Variants in SLC2A13 observed in about 807,000 individuals in gnomAD.
The protein encoded by SLC2A13 is solute carrier family 2 member 13, also known as proton myo-inositol cotransporter.
SLC2A13 carries 32 observed loss-of-function variants against 64.4 expected under a neutral mutation model. The ratio of observed to expected loss-of-function variants is 0.50; its 90% CI spans 0.37 to 0.67. The LOEUF (loss-of-function observed/expected upper bound fraction) is 0.67, where lower values mean the gene tolerates loss of function less well. SLC2A13 is among the 30% of genes least tolerant of loss of function. The pLI is 0.00. For missense variants in SLC2A13, 743 were observed against 829.2 expected (o/e 0.90, Z 1.28); for synonymous variants, 338 against 327.1 (o/e 1.03, Z -0.36).
At chr12:39,971,994 A>ATATATATATATAT in intron 3 of SLC2A13, among the ~76,000 whole-genome samples, 1 of 39,024 alleles carries the variant, frequency 2.6e-5, no homozygotes, top group Admixed American at 4.0e-4. Context: ...AAAAAAAAAA[A>ATATATATATATAT]AAAATATATA....
chr12:39,982,558 G>C lies in SLC2A13; in HGVS notation c.926-31193C>G, dbSNP rs1946928142. Among the ~76,000 whole-genome samples, 3 of 150,662 alleles carry C rather than the reference G, an allele frequency of 2.0e-5. No homozygotes were observed. In the South Asian group the frequency reaches 6.3e-4, roughly 32 times the overall value. The stretch of plus-strand genomic sequence containing the variant: ...ACAGACAAACAGAGAGCCAAATCAT[G>C]AGTGAACTCCCATTCACAACTGCTT... On this transcript the variant is annotated intron_variant, in intron 3 of 9. Transcript: ENST00000280871.
At chr12:39,861,257 T>C (rs1943751975) in intron 6 of SLC2A13, among the ~76,000 whole-genome samples, 1 of 152,232 alleles carries the variant, frequency 6.6e-6, no homozygotes. Flanking sequence ...GACTGTAATG[T>C]TTATTGAGTG....
intron 4 of SLC2A13, chr12:39,949,671 A>C (rs1946195827): frequency 6.6e-6 from 1 of 152,258 alleles, no homozygotes; most frequent in African/African-American, 2.4e-5. Context: ...AAAAAAGTAC[A>C]AGAAAAATCC....
At chr12:40,080,690 C>G (rs934000327) in intron 1 of SLC2A13, among the ~76,000 whole-genome samples, 1 of 152,194 alleles carries the variant, frequency 6.6e-6, no homozygotes, top group Non-Finnish European at 1.5e-5. Flanking sequence ...CAACACCTGG[C>G]CTTGTTTAAA....
chr12:39,985,272 C>T (rs994701225), intron 3 of SLC2A13, among the ~76,000 whole-genome samples: 1 of 152,070 alleles, frequency 6.6e-6, no homozygotes, highest in African/African-American at 2.4e-5. Flanking sequence ...TGTTAGAATT[C>T]TTTTAGCTTC....
intron 1 of SLC2A13, among the ~76,000 whole-genome samples, chr12:40,089,049 A>G (rs1938678919): frequency 6.6e-6 from 1 of 152,192 alleles, no homozygotes; most frequent in Non-Finnish European, 1.5e-5. Flanking sequence ...TTGCAAGTCA[A>G]TCACCTCAAG....
chr12:40,006,742 A>T (rs144222769), intron 3 of SLC2A13, among the ~76,000 whole-genome samples: 1 of 152,328 alleles, frequency 6.6e-6, no homozygotes, highest in African/African-American at 2.4e-5. Flanking sequence ...CAATGGAAGC[A>T]ATCCCACCTG....
Position 40,105,571 on chromosome 12 carries a change from A to T in SLC2A13, c.238T>A (p.Phe80Ile). ...RQFQQDETPA[F>I]VYVVAVFSAL... Reference sequence around the variant, plus strand: ...GAGAAGACGGCCACCACGTACACGAAGGCGGGGGTCTCGTCCTGCTGGAAC... The same window carrying T: ...GAGAAGACGGCCACCACGTACACGATGGCGGGGGTCTCGTCCTGCTGGAAC... The change falls in exon 1 of 10, where the codon TTC becomes ATC. Residue 80 changes from phenylalanine (F) to isoleucine (I), a missense_variant. By Grantham distance (21) the Phe-to-Ile change is conservative (BLOSUM62 0). Around this residue, in one of 2 missense-constraint regions of SLC2A13, gnomAD observed 448 missense variants for 447.4 expected, o/e 1.00. Coordinates refer to ENST00000280871, the MANE Select transcript of SLC2A13 (RefSeq NM_052885.4). This position sits in a 1 kb window ranked among gnomAD's most constrained non-coding sequence, Gnocchi z 4.2. The T allele has an allele frequency of 6.4e-7, 1 of 1,570,826 alleles. No individual in the cohort carries two copies. The highest frequency in any genetic ancestry group is 8.6e-7 in the Non-Finnish European group (1 of 1,161,330).
intron 6 of SLC2A13, among the ~76,000 whole-genome samples, chr12:39,837,896 C>G (rs1332412544): frequency 1.3e-5 from 2 of 150,896 alleles, no homozygotes; most frequent in Admixed American, 1.3e-4. Context: ...GTTGGTGGGA[C>G]TGTAAACTAG....
intron 4 of SLC2A13, chr12:39,908,234 C>G (rs1000819707): frequency 2.0e-5 from 3 of 152,024 alleles, no homozygotes; most frequent in African/African-American, 7.3e-5. Context: ...TGAAATGAGA[C>G]TATTATCTTC....
intron 3 of SLC2A13, among the ~76,000 whole-genome samples, chr12:40,006,773 GAA>G (rs1306499634): frequency 6.6e-6 from 1 of 152,132 alleles, no homozygotes; most frequent in African/African-American, 2.4e-5. Context: ...TCTCTCTGGA[GAA>G]AAAGTGGTTT....
intron 1 of SLC2A13, among the ~76,000 whole-genome samples, chr12:40,083,328 A>G (rs999606503): frequency 1.9e-4 from 29 of 152,136 alleles, no homozygotes; most frequent in African/African-American, 7.0e-4. Flanking sequence ...TCTGCTATGC[A>G]TAAAACCAGG....
intron 3 of SLC2A13, among the ~76,000 whole-genome samples, chr12:40,003,017 T>C (rs1270029753): frequency 1.3e-5 from 2 of 152,208 alleles, no homozygotes; most frequent in African/African-American, 2.4e-5. Flanking sequence ...TATTGGTCAC[T>C]GGCTCAGTGC....
intron 7 of SLC2A13, 61 bp downstream of exon 7, chr12:39,830,042 T>C: frequency 6.2e-7 from 1 of 1,606,232 alleles, no homozygotes; most frequent in South Asian, 1.1e-5. Context: ...TCTGAAAACT[T>C]AAACATAAGC....
At chr12:39,762,571 A>G (rs1940195185) in intron 9 of SLC2A13, among the ~76,000 whole-genome samples, 1 of 152,066 alleles carries the variant, frequency 6.6e-6, no homozygotes, top group Non-Finnish European at 1.5e-5. Context: ...TGTAAGCAAT[A>G]TGGTTGAGGA....
chr12:40,036,831 T>G (rs1565599893), intron 2 of SLC2A13, among the ~76,000 whole-genome samples: 1 of 152,252 alleles, frequency 6.6e-6, no homozygotes, highest in African/African-American at 2.4e-5. Flanking sequence ...TGGATATCTT[T>G]GCCTAGCAAA....
At chr12:39,980,439 C>G (rs1267057778) in intron 3 of SLC2A13, among the ~76,000 whole-genome samples, 2 of 150,766 alleles carry the variant, frequency 1.3e-5, no homozygotes, top group African/African-American at 4.9e-5. Context: ...ATCTCATGTG[C>G]AGAGACACAC....
chr12:39,998,538 A>C (rs1947271392), intron 3 of SLC2A13, among the ~76,000 whole-genome samples: 1 of 152,234 alleles, frequency 6.6e-6, no homozygotes, highest in South Asian at 2.1e-4. Flanking sequence ...TGGCTGTCTC[A>C]CTGCATTTCA....
At chr12:39,908,111 C>T (rs909668022) in intron 4 of SLC2A13, 6 of 151,938 alleles carry the variant, frequency 3.9e-5, no homozygotes, top group African/African-American at 1.5e-4. Context: ...CACTTTTTCT[C>T]TTAATTTATT....
Sources: gnomAD v4.1 joint callset for allele counts (sites outside exome capture counted in the v4.1 genomes callset) on GRCh38, gnomAD v4.1.1 for gene constraint, gnomAD v4.1.1 regional missense constraint, Gnocchi (gnomAD v3.1) non-coding constraint, MANE v1.5 for transcripts, NCBI Gene and HGNC (gene_info 2026-07-23, HGNC 2026-07-21) for gene names.